Variants in SNX12 observed in about 807,000 individuals in gnomAD.
SNX12 encodes the protein sorting nexin-12.
For missense variants in SNX12, 62 were observed against 141.3 expected (o/e 0.44, Z 2.84); for synonymous variants, 47 against 56.0 (o/e 0.84, Z 0.71).
Position 71,062,875 on chromosome X carries a change from A to G in SNX12, c.240T>C (p.Asn80=), listed in dbSNP as rs755137913. ...ATACCTTGCTATCTCTCTCCAGCTCATTTTTCAGCCACTCAAAGTCACTGT... is the reference window on the plus strand; with the variant it reads ...ATACCTTGCTATCTCTCTCCAGCTCGTTTTTCAGCCACTCAAAGTCACTGT... ...RRYSDFEWLK[N]ELERDSKIVV... Residue 80 remains asparagine, a synonymous_variant, in exon 2 of 4, where the codon AAT becomes AAC. Transcript: ENST00000374274. 5 of 1,205,606 alleles carry G rather than the reference A, an allele frequency of 4.1e-6. No homozygotes were observed. Among genetic ancestry groups the G allele is most frequent in the Non-Finnish European group, 5.6e-6 (5 of 890,585 alleles).
intron 1 of SNX12, among the ~76,000 whole-genome samples, chrX:71,066,132 TGTCA>T (rs2092152310): frequency 8.9e-6 from 1 of 112,650 alleles, no homozygotes; most frequent in Non-Finnish European, 1.9e-5. Context: ...ATTCCAGCCC[TGTCA>T]GTTATAGTTA....
At position 71,060,710 on chromosome X, in the gene SNX12, T is replaced by A; in HGVS notation, c.*306A>T. 1 of 173,645 alleles carries A rather than the reference T, an allele frequency of 5.8e-6. No individual in the cohort carries two copies. The highest frequency in any genetic ancestry group is 4.9e-5 in the African/African-American group (1 of 20,495). 14.3% of individuals were successfully genotyped at this position (173,645 alleles called of 1,213,427 possible). A position where few individuals can be genotyped will look rare whatever the true frequency, so the allele number is the denominator to read the frequency against. On this transcript the variant is annotated 3_prime_UTR_variant, in exon 4 of 4. Coordinates refer to ENST00000374274, the MANE Select transcript of SNX12 (RefSeq NM_013346.4). ...TGCCTCACCAGCACAAGCGCCCCCC[T>A]CCCCCCAGGTTAGCCTTCTGGCATG...
At chrX:71,067,229 A>G (rs1463040326) in intron 1 of SNX12, among the ~76,000 whole-genome samples, 2 of 112,384 alleles carry the variant, frequency 1.8e-5, no homozygotes, top group Non-Finnish European at 3.8e-5. Context: ...GTCCTCTATC[A>G]TGCATGCTGG....
intron 1 of SNX12, among the ~76,000 whole-genome samples, chrX:71,065,676 T>A (rs1471294425): frequency 9.0e-6 from 1 of 111,123 alleles, no homozygotes; most frequent in Non-Finnish European, 1.9e-5. Context: ...TGGTGGTACA[T>A]GCCTGTAATC....
intron 1 of SNX12, among the ~76,000 whole-genome samples, chrX:71,065,620 C>T (rs1317999835): frequency 9.1e-6 from 1 of 110,282 alleles, no homozygotes; most frequent in Non-Finnish European, 1.9e-5. Context: ...GCCTGGCCAA[C>T]ATGGCGAAAC....
rs768582566 is a variant in SNX12 at position 71,062,008 on chromosome X, C to G, written c.262-41G>C. ...AAATTCCAGCCACATGGGAGAGAGA[C>G]AGAGTGGGAATGAGATGGTAAAGCA... On this transcript the variant is annotated intron_variant, in intron 2 of 3. Transcript: ENST00000374274. The G allele has an allele frequency of 1.4e-5, 16 of 1,160,511 alleles. No homozygotes were observed. The South Asian group carries it at 3.1e-4, about 23-fold the overall frequency.
upstream of SNX12, among the ~76,000 whole-genome samples, chrX:71,071,613 A>C (rs1387268620): frequency 1.4e-3 from 78 of 53,842 alleles, no homozygotes; most frequent in Non-Finnish European, 2.1e-3. Flanking sequence ...ATTATATATA[A>C]ATATATAATA....
intron 1 of SNX12, 62 bp downstream of exon 1, chrX:71,068,080 T>TCCCCCC: frequency 4.8e-6 from 3 of 627,022 alleles, no homozygotes; most frequent in Admixed American, 3.6e-5. Flanking sequence ...GTAGCCTCCC[T>TCCCCCC]CCCCCCTCCC....
At chrX:71,068,518 A>G (rs754511424), upstream of SNX12, 2 of 284,529 alleles carry the variant, frequency 7.0e-6, no homozygotes, top group Non-Finnish European at 6.1e-6. Flanking sequence ...CGCCCTGTAG[A>G]GTGGAGGCCA....
chrX:71,061,029 T>G lies in SNX12; in HGVS notation c.476A>C (p.Lys159Thr). The G allele has an allele frequency of 3.3e-6, 4 of 1,206,196 alleles. No individual in the cohort carries two copies. The highest frequency in any genetic ancestry group is 4.5e-6 in the Non-Finnish European group (4 of 891,545). Reference sequence around the variant, plus strand: ...TGAGAGGGGCTCCTACTGGCGCACCTTCCCCGGGACGTAGTTCCTGTCAAT... The same window carrying G: ...TGAGAGGGGCTCCTACTGGCGCACCGTCCCCGGGACGTAGTTCCTGTCAAT... The part of the protein sequence containing the change: ...EAIDRNYVPG[K>T]VRQ Residue 159 changes from lysine to threonine, a missense_variant, in exon 4 of 4, where the codon AAG becomes ACG. Coordinates refer to ENST00000374274, the MANE Select transcript of SNX12 (RefSeq NM_013346.4).
At chrX:71,068,017 C>G (rs1215764526) in intron 1 of SNX12, 125 bp downstream of exon 1, 1 of 611,438 alleles carries the variant, frequency 1.6e-6, no homozygotes, top group Non-Finnish European at 2.4e-6. Context: ...TATTATACCC[C>G]TAACCCCCAA....
upstream of SNX12, among the ~76,000 whole-genome samples, chrX:71,071,734 A>T (rs2092174819): frequency 1.3e-5 from 1 of 78,209 alleles, no homozygotes; most frequent in Non-Finnish European, 2.3e-5. Context: ...ATATAAATAT[A>T]TATTTATATA....
chrX:71,073,035 TACACACACACACAC>T (rs56242437), upstream of SNX12, among the ~76,000 whole-genome samples: 8 of 90,047 alleles, frequency 8.9e-5, no homozygotes, highest in African/African-American at 2.1e-4. Context: ...TTATCACACA[TACACACACACACAC>T]ACACACACAC....
At chrX:71,063,044 T>A in intron 1 of SNX12, 95 bp from the exon 2 acceptor site, 1 of 552,665 alleles carries the variant, frequency 1.8e-6, no homozygotes, top group Non-Finnish European at 3.1e-6. Context: ...AATGAAGAAA[T>A]AGCTCCTATG....
In SNX12 at chrX:71,062,093, C is replaced by T. The variant is rs768751118; in HGVS notation, c.262-126G>A. The T allele has an allele frequency of 9.6e-5, 56 of 584,475 alleles. No homozygotes were observed. In the South Asian group the frequency reaches 2.2e-3, roughly 23 times the overall value. The allele number at this position is 584,475 out of a possible 1,213,427, so 48.2% of individuals were successfully genotyped here. On this transcript the variant is annotated intron_variant, in intron 2 of 3. Transcript: ENST00000374274. ...ATCCTGTCCCACAGCCAGCAACTTGCAAGAACTAAGACCATAAGAACAGTC... is the reference window on the plus strand; with the variant it reads ...ATCCTGTCCCACAGCCAGCAACTTGTAAGAACTAAGACCATAAGAACAGTC...
chrX:71,071,953 G>A (rs2092175303), upstream of SNX12, among the ~76,000 whole-genome samples: 1 of 109,081 alleles, frequency 9.2e-6, no homozygotes, highest in Non-Finnish European at 1.9e-5. Context: ...TTAAAGGGCA[G>A]GCACAGAAAA....
At chrX:71,071,642 T>TATATATTATATATAA (rs2092173785), upstream of SNX12, among the ~76,000 whole-genome samples, 2 of 31,984 alleles carry the variant, frequency 6.3e-5, no homozygotes, top group Non-Finnish European at 5.2e-5. Flanking sequence ...TTTATATTTA[T>TATATATTATATATAA]ATATCTATAT....
upstream of SNX12, chrX:71,068,549 G>A (rs1030918793): frequency 3.8e-6 from 1 of 260,226 alleles, no homozygotes; most frequent in Admixed American, 6.7e-5. Context: ...TCCGGGTGAT[G>A]TTTGTGGCCA....
chrX:71,068,285 C>T lies in SNX12; in HGVS notation c.22G>A (p.Asp8Asn). Reference sequence around the variant, plus strand: ...GGCTTCGAGTTAAGGCGCCGGGTATCAGCTACTGCCGTGTCCGACATCTTT... The same window carrying T: ...GGCTTCGAGTTAAGGCGCCGGGTATTAGCTACTGCCGTGTCCGACATCTTT... MSDTAVA[D>N]TRRLNSKPQD... Residue 8 changes from aspartate to asparagine, a missense_variant, in exon 1 of 4, where the codon GAT becomes AAT. Asp to Asn is a conservative substitution (Grantham distance 23). Transcript: ENST00000374274. 1 of 1,203,819 alleles carries T rather than the reference C, an allele frequency of 8.3e-7. No homozygotes were observed. Among genetic ancestry groups the T allele is most frequent in the Non-Finnish European group, 1.1e-6 (1 of 891,410 alleles).
Sources: allele counts gnomAD v4.1 joint callset (sites outside exome capture counted in the v4.1 genomes callset), GRCh38; gene constraint gnomAD v4.1.1; transcripts MANE v1.5; gene names NCBI Gene and HGNC (gene_info 2026-07-23, HGNC 2026-07-21).